The following CNTNAP2 variants were observed in gnomAD, a reference collection of about 807,000 sequenced individuals.
CNTNAP2 encodes the protein contactin associated protein 2, also known as contactin-associated protein-like 2.
A neutral mutation model predicts 155.2 loss-of-function variants in CNTNAP2; 98 were observed. The ratio of observed to expected loss-of-function variants is 0.63; its 90% CI spans 0.54 to 0.75. CNTNAP2 has a LOEUF of 0.75. Ranked by LOEUF, CNTNAP2 falls within the 30% of genes least tolerant of loss-of-function variation. CNTNAP2 has a pLI of 0.00. For missense variants in CNTNAP2, 1,727 were observed against 1,688.1 expected, an observed-to-expected ratio of 1.02 and a Z score of -0.40; for synonymous variants, 651 against 631.2, an observed-to-expected ratio of 1.03 and a Z score of -0.47.
intron 15 of CNTNAP2, among the ~76,000 whole-genome samples, chr7:147,980,099 G>C (rs1223757133): frequency 6.6e-6 from 1 of 152,088 alleles, no homozygotes; most frequent in Non-Finnish European, 1.5e-5. Flanking sequence ...AGGTGCTCTG[G>C]AAAGTAAGAA....
At chr7:148,207,371 C>G (rs755474042) in intron 18 of CNTNAP2, among the ~76,000 whole-genome samples, 19 of 152,132 alleles carry the variant, frequency 1.2e-4, no homozygotes, top group Non-Finnish European at 1.9e-4. Flanking sequence ...GGAGAATGGC[C>G]GCTGAGGCCA....
intron 3 of CNTNAP2, among the ~76,000 whole-genome samples, chr7:147,043,629 T>G (rs769978462): frequency 2.0e-5 from 3 of 152,250 alleles, no homozygotes; most frequent in Non-Finnish European, 4.4e-5. Context: ...CATTTCAATG[T>G]GTATGGAACA....
intron 4 of CNTNAP2, among the ~76,000 whole-genome samples, chr7:147,073,104 G>A (rs529035517): frequency 8.5e-5 from 12 of 140,602 alleles, no homozygotes; most frequent in Admixed American, 5.2e-4. Context: ...CACCCGCCTC[G>A]GCCTCCCAAA....
At chr7:146,487,584 C>T (rs1340171437) in intron 1 of CNTNAP2, among the ~76,000 whole-genome samples, 1 of 152,120 alleles carries the variant, frequency 6.6e-6, no homozygotes, top group Non-Finnish European at 1.5e-5. Context: ...ACTTGGTGAT[C>T]AATTTTCCCC....
intron 11 of CNTNAP2, among the ~76,000 whole-genome samples, chr7:147,553,769 G>T (rs1562993906): frequency 6.6e-6 from 1 of 152,112 alleles, no homozygotes. Flanking sequence ...TCAGGTGTAA[G>T]AGACCAGTCT....
intron 13 of CNTNAP2, among the ~76,000 whole-genome samples, chr7:147,692,362 T>C (rs1796099564): frequency 6.6e-6 from 1 of 152,122 alleles, no homozygotes; most frequent in African/African-American, 2.4e-5. Context: ...CTCCTTTGGG[T>C]AAATACCAAA....
chr7:146,238,488 TGA>T (rs1799509994), intron 1 of CNTNAP2, among the ~76,000 whole-genome samples: 1 of 151,848 alleles, frequency 6.6e-6, no homozygotes, highest in Non-Finnish European at 1.5e-5. Context: ...ATTATAGAAT[TGA>T]AGAGAAAACC....
chr7:147,735,177 C>G (rs1291813841), intron 13 of CNTNAP2, among the ~76,000 whole-genome samples: 3 of 152,126 alleles, frequency 2.0e-5, no homozygotes, highest in East Asian at 3.9e-4. Flanking sequence ...AAATTTCCCT[C>G]TACACACTGA....
intron 1 of CNTNAP2, among the ~76,000 whole-genome samples, chr7:146,439,166 A>C (rs1197122106): frequency 1.3e-5 from 2 of 151,544 alleles, no homozygotes; most frequent in Non-Finnish European, 2.9e-5. Flanking sequence ...TCCCCAGAGA[A>C]GGGGACTATG....
intron 10 of CNTNAP2, among the ~76,000 whole-genome samples, chr7:147,421,335 T>C (rs777508834): frequency 7.2e-5 from 11 of 152,100 alleles, no homozygotes; most frequent in Non-Finnish European, 1.2e-4. Flanking sequence ...TGATATAATT[T>C]GATAGAAAAA....
At chr7:148,106,493 G>GATAGATATATATATATATATATATAT (rs1490418389) in intron 15 of CNTNAP2, among the ~76,000 whole-genome samples, 15 of 124,912 alleles carry the variant, frequency 1.2e-4, no homozygotes, top group South Asian at 2.6e-4. Context: ...CACACTTTGA[G>GATAGATATATATATATATATATATAT]ATATATATAT....
At chr7:147,642,007 TGTGC>T (rs376485200) in intron 13 of CNTNAP2, among the ~76,000 whole-genome samples, 8 of 127,790 alleles carry the variant, frequency 6.3e-5, no homozygotes, top group African/African-American at 2.4e-4. Flanking sequence ...GGTGTGTGTG[TGTGC>T]GTGTGTGTGT....
chr7:148,330,399 G>A (rs969055701), intron 21 of CNTNAP2, among the ~76,000 whole-genome samples: 1 of 146,306 alleles, frequency 6.8e-6, no homozygotes, highest in Non-Finnish European at 1.5e-5. Flanking sequence ...ATAGAGTGGA[G>A]GGATGGAGTG....
At chr7:148,130,110 C>T (rs1156548518) in intron 16 of CNTNAP2, among the ~76,000 whole-genome samples, 1 of 152,242 alleles carries the variant, frequency 6.6e-6, no homozygotes, top group Non-Finnish European at 1.5e-5. Context: ...CACTCAAAAG[C>T]CCCCTTCTGT....
At chr7:146,947,576 C>CAT (rs748336820) in intron 3 of CNTNAP2, among the ~76,000 whole-genome samples, 88 of 96,862 alleles carry the variant, frequency 9.1e-4, no homozygotes, top group East Asian at 3.5e-3. Context: ...TATATATATA[C>CAT]ATATATATAT....
At chr7:147,209,510 T>C (rs1803094307) in intron 8 of CNTNAP2, among the ~76,000 whole-genome samples, 1 of 152,040 alleles carries the variant, frequency 6.6e-6, no homozygotes, top group African/African-American at 2.4e-5. Flanking sequence ...TCAAGGCTTT[T>C]ATAGAATCAG....
At chr7:146,777,772 G>T (rs1563226813) in intron 2 of CNTNAP2, among the ~76,000 whole-genome samples, 1 of 152,012 alleles carries the variant, frequency 6.6e-6, no homozygotes, top group Non-Finnish European at 1.5e-5. Flanking sequence ...TGCCATGTTG[G>T]CCAGGTTGGA....
chr7:148,063,474 CCT>C (rs1803196780), intron 15 of CNTNAP2, among the ~76,000 whole-genome samples: 1 of 151,182 alleles, frequency 6.6e-6, no homozygotes, highest in Non-Finnish European at 1.5e-5. Context: ...GCTTTTTTTT[CCT>C]CTGTTTTTTA....
intron 13 of CNTNAP2, among the ~76,000 whole-genome samples, chr7:147,864,950 T>C (rs9768693): frequency 0.6 from 90,328 of 151,282 alleles, 27,224 homozygotes; most frequent in South Asian, 0.7. Flanking sequence ...CTGGCCATAA[T>C]TCCCAACACT....
Sources: gnomAD v4.1 joint callset for allele counts (sites outside exome capture counted in the v4.1 genomes callset) on GRCh38, gnomAD v4.1.1 for gene constraint, MANE v1.5 for transcripts, NCBI Gene and HGNC (gene_info 2026-07-23, HGNC 2026-07-21) for gene names.